Variants in PRICKLE1 observed in about 807,000 individuals in gnomAD.
PRICKLE1 encodes the protein prickle-like protein 1.
PRICKLE1 carries 14 observed loss-of-function variants against 70.2 expected under a neutral mutation model. The ratio of observed to expected loss-of-function variants is 0.20; its 90% confidence interval spans 0.13 to 0.31. The LOEUF is 0.31. PRICKLE1 is among the 10% of genes least tolerant of loss of function. The pLI is 1.00. For missense variants in PRICKLE1, 821 were observed against 1,026.2 expected (o/e 0.80, Z 2.73); for synonymous variants, 357 against 379.9 (o/e 0.94, Z 0.70).
At chr12:42,539,793 A>G (rs969441852) in intron 1 of PRICKLE1, among the ~76,000 whole-genome samples, 4 of 152,234 alleles carry the variant, frequency 2.6e-5, no homozygotes, top group African/African-American at 9.6e-5. Context: ...TGTATTCCTG[A>G]CAAAGCAACA....
At chr12:42,502,709 G>A (rs1156460739) in intron 1 of PRICKLE1, among the ~76,000 whole-genome samples, 3 of 152,116 alleles carry the variant, frequency 2.0e-5, no homozygotes, top group African/African-American at 4.8e-5. Flanking sequence ...CAGAGCAGAC[G>A]CGGGAAAGGG....
At chr12:42,569,888 C>T (rs558459086) in intron 1 of PRICKLE1, among the ~76,000 whole-genome samples, 1 of 152,348 alleles carries the variant, frequency 6.6e-6, no homozygotes, top group African/African-American at 2.4e-5. Context: ...AGCTAAACAG[C>T]ACAGACTCTG....
chr12:42,560,766 TCTCACACACA>T (rs1458118652), intron 1 of PRICKLE1, among the ~76,000 whole-genome samples: 12 of 119,240 alleles, frequency 1.0e-4, no homozygotes, highest in East Asian at 5.7e-4. Context: ...AAGCCCATCT[TCTCACACACA>T]CACACACACA....
At chr12:42,498,380 T>C (rs1299471131) in intron 1 of PRICKLE1, among the ~76,000 whole-genome samples, 1 of 151,324 alleles carries the variant, frequency 6.6e-6, no homozygotes, top group African/African-American at 2.4e-5. Context: ...TGCCATGTTG[T>C]CTAGCCTGGT....
chr12:42,523,895 A>T (rs1359251110), intron 1 of PRICKLE1, among the ~76,000 whole-genome samples: 1 of 152,248 alleles, frequency 6.6e-6, no homozygotes, highest in Non-Finnish European at 1.5e-5. Context: ...TGTAAATAAC[A>T]TTTATCTTCA....
At chr12:42,510,547 A>T (rs1939493252) in intron 1 of PRICKLE1, among the ~76,000 whole-genome samples, 1 of 150,880 alleles carries the variant, frequency 6.6e-6, no homozygotes, top group Non-Finnish European at 1.5e-5. Context: ...TTTGAAAAAC[A>T]AACAAACAAA....
At chr12:42,560,818 A>AC (rs1283462045) in intron 1 of PRICKLE1, among the ~76,000 whole-genome samples, 8 of 144,274 alleles carry the variant, frequency 5.5e-5, no homozygotes, top group East Asian at 2.1e-4. Flanking sequence ...ACACACACAC[A>AC]AAACAAAAAA....
At chr12:42,462,264 G>C (rs1345330657) in intron 7 of PRICKLE1, among the ~76,000 whole-genome samples, 1 of 148,924 alleles carries the variant, frequency 6.7e-6, no homozygotes, top group African/African-American at 2.5e-5. Context: ...GCAGTGGTAT[G>C]ATCTCGGCTC....
rs977985870 is a variant in PRICKLE1, at chr12:42,464,902, G to A, written c.1132C>T (p.Leu378=). ...CTTGTTCCTTGTCTGGAGAGACTCAGATCATCCAATTTTCGAGAAAGGGTG... is the reference window on the plus strand; with the variant it reads ...CTTGTTCCTTGTCTGGAGAGACTCAAATCATCCAATTTTCGAGAAAGGGTG... ...DDTLSRKLDD[L]SLSRQGTSFA... is the part of the protein sequence containing the mutation. The change falls in exon 7 of 8, where the codon CTG becomes TTG. Residue 378 remains leucine (L), a synonymous_variant. Transcript: ENST00000345127. The surrounding 1 kb of genome is among the most constrained non-coding windows in gnomAD (Gnocchi z 4.2). The A allele has an allele frequency of 1.3e-5, 21 of 1,613,984 alleles. No homozygotes were observed. The highest frequency in any genetic ancestry group is 2.2e-5 in the East Asian group (1 of 44,886).
intron 1 of PRICKLE1, among the ~76,000 whole-genome samples, chr12:42,547,293 A>G (rs914225524): frequency 6.6e-6 from 1 of 152,366 alleles, no homozygotes; most frequent in South Asian, 2.1e-4. Flanking sequence ...TGGGAGACAG[A>G]CAGACCTAAT....
At chr12:42,521,301 A>G (rs1281515764) in intron 1 of PRICKLE1, among the ~76,000 whole-genome samples, 1 of 152,228 alleles carries the variant, frequency 6.6e-6, no homozygotes, top group Non-Finnish European at 1.5e-5. Flanking sequence ...ACTTTAAGAC[A>G]TTATTTTGAG....
intron 1 of PRICKLE1, among the ~76,000 whole-genome samples, chr12:42,585,862 GTCCAGAGATGGGGAA>G (rs1378358282): frequency 1.3e-5 from 2 of 152,146 alleles, no homozygotes; most frequent in Non-Finnish European, 2.9e-5. Context: ...ATTTCTGTGT[GTCCAGAGATGGGGAA>G]GTCAGAGGCT....
rs578090454 is a variant in PRICKLE1, at chr12:42,477,320, C to T, written c.-48-4756G>A. Among the ~76,000 whole-genome samples the T allele has an allele frequency of 2.1e-3, 318 of 149,850 alleles. 3 individuals are homozygous for T. Among genetic ancestry groups the T allele is most frequent in the South Asian group, 0.02 (93 of 4,686 alleles). ...CCAGGAGGCAGAGGTTGCGGTGAGC[C>T]GAGATCACACCATTGCACTCTAGCC... On this transcript the variant is annotated intron_variant, in intron 1 of 7. Transcript: ENST00000345127.
At chr12:42,549,411 CAT>C (rs1363715315) in intron 1 of PRICKLE1, among the ~76,000 whole-genome samples, 20 of 152,142 alleles carry the variant, frequency 1.3e-4, no homozygotes, top group African/African-American at 4.8e-4. Context: ...CTTATCTTGA[CAT>C]AGTTTCAGGA....
At chr12:42,473,951 T>G (rs1482792309) in intron 1 of PRICKLE1, among the ~76,000 whole-genome samples, 4 of 152,206 alleles carry the variant, frequency 2.6e-5, no homozygotes, top group African/African-American at 9.6e-5. Flanking sequence ...CTCTAAATAC[T>G]GAGTGTTGGA....
chr12:42,531,975 T>A (rs955312228), intron 1 of PRICKLE1, among the ~76,000 whole-genome samples: 5 of 152,060 alleles, frequency 3.3e-5, no homozygotes, highest in Non-Finnish European at 5.9e-5. Context: ...CTGGGCAACA[T>A]AGGGTGACTT....
chr12:42,566,506 A>G (rs1428059548), intron 1 of PRICKLE1, among the ~76,000 whole-genome samples: 1 of 152,170 alleles, frequency 6.6e-6, no homozygotes, highest in Admixed American at 6.5e-5. Context: ...GCGTAAGAAC[A>G]TCTGCATTCT....
At chr12:42,517,247 C>T (rs1490637510) in intron 1 of PRICKLE1, among the ~76,000 whole-genome samples, 1 of 150,206 alleles carries the variant, frequency 6.7e-6, no homozygotes, top group Non-Finnish European at 1.5e-5. Flanking sequence ...AATACTTTTA[C>T]TGTCACTTTA....
At chr12:42,543,609 A>G (rs1387812517) in intron 1 of PRICKLE1, among the ~76,000 whole-genome samples, 2 of 152,024 alleles carry the variant, frequency 1.3e-5, no homozygotes, top group Non-Finnish European at 2.9e-5. Context: ...TGCAAGCTCC[A>G]CTTCCTGGGT....
Sources: allele counts gnomAD v4.1 joint callset (sites outside exome capture counted in the v4.1 genomes callset), GRCh38; gene constraint gnomAD v4.1.1; non-coding constraint Gnocchi (gnomAD v3.1); transcripts MANE v1.5; gene names NCBI Gene and HGNC (gene_info 2026-07-23, HGNC 2026-07-21).